SYT9: variants seen among roughly 807,000 people sequenced by gnomAD.
The protein encoded by SYT9 is synaptotagmin-9.
Under a neutral mutation model 48.4 loss-of-function variants are expected in SYT9, and 22 were observed. That is an observed-to-expected ratio of 0.45 (90% CI 0.32 to 0.65). SYT9 has a LOEUF of 0.65. Ranked by LOEUF, SYT9 falls within the 30% of genes least tolerant of loss-of-function variation. SYT9 has a pLI of 0.03. For synonymous variants in SYT9, 265 were observed against 245.0 expected, an observed-to-expected ratio of 1.08 and a Z score of -0.76; for missense variants, 577 against 622.0, an observed-to-expected ratio of 0.93 and a Z score of 0.77.
At position 7,397,217 on chromosome 11, in the gene SYT9, T is replaced by G. The variant is rs115533953; in HGVS notation, c.1045-18825T>G. 4.0e-3 allele frequency among the ~76,000 whole-genome samples: 606 copies of G among 152,234 alleles called. 7 individuals carry two copies. The highest frequency in any genetic ancestry group is 0.013 in the African/African-American group (555 of 41,568). On this transcript the variant is annotated intron_variant, in intron 3 of 6. Transcript: ENST00000318881. ...TCATGGTTCTTTTTTTGTTTCTTTGTTTGCAAATAGATATCCAATTATTCA... is the reference window on the plus strand; with the variant it reads ...TCATGGTTCTTTTTTTGTTTCTTTGGTTGCAAATAGATATCCAATTATTCA...
chr11:7,241,095 T>C (rs1211747039), intron 1 of SYT9, among the ~76,000 whole-genome samples: 3 of 152,194 alleles, frequency 2.0e-5, no homozygotes, highest in Non-Finnish European at 4.4e-5. Context: ...TCCACATGCA[T>C]CTTGAGACAC....
chr11:7,363,342 A>T (rs1850182192), intron 3 of SYT9, among the ~76,000 whole-genome samples: 1 of 152,184 alleles, frequency 6.6e-6, no homozygotes, highest in African/African-American at 2.4e-5. Context: ...AAGGAAAATG[A>T]TGTGCTCAGC....
intron 3 of SYT9, among the ~76,000 whole-genome samples, chr11:7,346,250 T>C (rs1036991652): frequency 6.6e-5 from 10 of 152,128 alleles, no homozygotes; most frequent in Non-Finnish European, 2.9e-5. Context: ...AAGGAATTTT[T>C]CAAAATGGGA....
rs1847184090 is a variant in SYT9, at chr11:7,413,676, GA to G, written c.1045-2365del. On this transcript the variant is annotated intron_variant, in intron 3 of 6. Transcript: ENST00000318881. ...GGAATTCCAGTGTTCTCTCTTAGAT[GA>G]TCTATTCCAAGTGTGAATATCTACT... Among the ~76,000 whole-genome samples, 4 of 151,978 alleles carry G rather than the reference GA, an allele frequency of 2.6e-5. No individual in the cohort carries two copies. The South Asian group carries it at 8.3e-4, about 32-fold the overall frequency.
intron 3 of SYT9, among the ~76,000 whole-genome samples, chr11:7,330,744 T>G (rs1849512858): frequency 1.3e-5 from 2 of 152,162 alleles, no homozygotes; most frequent in Admixed American, 1.3e-4. Context: ...TTCCCCAGGC[T>G]GGAGGGCAGT....
intron 3 of SYT9, among the ~76,000 whole-genome samples, chr11:7,352,653 T>G (rs368544932): frequency 7.2e-5 from 11 of 152,298 alleles, no homozygotes; most frequent in African/African-American, 2.4e-4. Flanking sequence ...CCGTGAAGAA[T>G]AGTACAAAAT....
At chr11:7,278,525 C>A (rs1429974202) in intron 1 of SYT9, among the ~76,000 whole-genome samples, 1 of 152,174 alleles carries the variant, frequency 6.6e-6, no homozygotes, top group Non-Finnish European at 1.5e-5. Flanking sequence ...AGAAGTGAAA[C>A]TGAAGCTGCC....
intron 1 of SYT9, among the ~76,000 whole-genome samples, chr11:7,278,581 A>C (rs993551557): frequency 3.9e-5 from 6 of 152,206 alleles, no homozygotes; most frequent in African/African-American, 1.4e-4. Context: ...CCTGGTTTAA[A>C]GAGGGTGGTT....
intron 3 of SYT9, among the ~76,000 whole-genome samples, chr11:7,381,215 C>T (rs954013218): frequency 5.3e-5 from 8 of 152,062 alleles, no homozygotes; most frequent in African/African-American, 1.9e-4. Context: ...ATTTACTGTG[C>T]CTACAACAGC....
rs1848345883 is a variant in SYT9, at chr11:7,466,808, T to C, written c.*8T>C. On this transcript the variant is annotated 3_prime_UTR_variant, in exon 7 of 7. Coordinates refer to ENST00000318881, the MANE Select transcript of SYT9 (RefSeq NM_175733.4). Reference sequence around the variant, plus strand: ...TTCCTGCAGAAACGATGACCATGGGTAAGAGGACTGCTTGTGCCAAGGACA... The same window carrying C: ...TTCCTGCAGAAACGATGACCATGGGCAAGAGGACTGCTTGTGCCAAGGACA... The C allele has an allele frequency of 2.5e-6, 4 of 1,613,028 alleles. No individual in the cohort carries two copies. Among genetic ancestry groups the C allele is most frequent in the Non-Finnish European group, 3.4e-6 (4 of 1,179,764 alleles).
chr11:7,388,986 T>C (rs945613887), intron 3 of SYT9, among the ~76,000 whole-genome samples: 5 of 152,072 alleles, frequency 3.3e-5, no homozygotes, highest in Non-Finnish European at 5.9e-5. Flanking sequence ...AAAATATGTG[T>C]GAAAAGGAAA....
intron 3 of SYT9, among the ~76,000 whole-genome samples, chr11:7,389,632 G>A (rs977742390): frequency 1.3e-5 from 2 of 151,848 alleles, no homozygotes; most frequent in Non-Finnish European, 1.5e-5. Context: ...AAAAGACAAG[G>A]TACAAAATAA....
intron 3 of SYT9, among the ~76,000 whole-genome samples, chr11:7,369,794 A>ACAAACACACACACAC (rs1564879645): frequency 3.5e-5 from 5 of 143,986 alleles, no homozygotes; most frequent in African/African-American, 1.3e-4. Context: ...CACACACACA[A>ACAAACACACACACAC]ACACACACAC....
intron 1 of SYT9, among the ~76,000 whole-genome samples, chr11:7,298,419 A>G (rs1247017745): frequency 6.6e-6 from 1 of 152,082 alleles, no homozygotes; most frequent in African/African-American, 2.4e-5. Flanking sequence ...TGCCTCTTGC[A>G]TTACTGTAAT....
intron 1 of SYT9, among the ~76,000 whole-genome samples, chr11:7,261,938 T>C (rs941271168): frequency 6.6e-6 from 1 of 152,162 alleles, no homozygotes; most frequent in African/African-American, 2.4e-5. Context: ...TAGCAAGTTT[T>C]AACAGAAGAG....
chr11:7,309,031 T>G (rs1335711404), intron 2 of SYT9, among the ~76,000 whole-genome samples: 1 of 152,222 alleles, frequency 6.6e-6, no homozygotes, highest in Non-Finnish European at 1.5e-5. Flanking sequence ...GAAAGTATGT[T>G]TTTGAGTTTG....
chr11:7,263,406 C>T (rs1848116454), intron 1 of SYT9, among the ~76,000 whole-genome samples: 1 of 152,098 alleles, frequency 6.6e-6, no homozygotes, highest in Non-Finnish European at 1.5e-5. Flanking sequence ...CCCCAAAGGC[C>T]CCAACTCTTA....
chr11:7,440,368 C>T (rs929600536), intron 6 of SYT9: 2 of 152,172 alleles, frequency 1.3e-5, no homozygotes, highest in African/African-American at 4.8e-5. Context: ...ATGAGGAGGA[C>T]CCCCGCTCAC....
At chr11:7,275,050 G>T (rs1197657517) in intron 1 of SYT9, among the ~76,000 whole-genome samples, 4 of 151,938 alleles carry the variant, frequency 2.6e-5, no homozygotes, top group African/African-American at 7.2e-5. Context: ...GTAAAGTTTG[G>T]GTTGTTGGTT....
Sources: allele counts gnomAD v4.1 joint callset (sites outside exome capture counted in the v4.1 genomes callset), GRCh38; gene constraint gnomAD v4.1.1; transcripts MANE v1.5; gene names NCBI Gene and HGNC (gene_info 2026-07-23, HGNC 2026-07-21).